TPTE2: variants seen among roughly 807,000 people sequenced by gnomAD.
TPTE2 encodes phosphatidylinositol 3,4,5-trisphosphate 3-phosphatase TPTE2.
TPTE2 carries 53 observed loss-of-function variants against 78.6 expected under a neutral mutation model. The ratio of observed to expected loss-of-function variants is 0.67; its 90% CI spans 0.54 to 0.85. The LOEUF (loss-of-function observed/expected upper bound fraction) is 0.85, where lower values mean the gene tolerates loss of function less well. TPTE2 is among the 40% of genes least tolerant of loss of function. The probability of loss-of-function intolerance (pLI) is 0.00; values close to 1 mark genes in which losing one functional copy is unlikely to be tolerated. For missense variants in TPTE2, 461 were observed against 623.0 expected (o/e 0.74, Z 2.77); for synonymous variants, 175 against 206.2 (o/e 0.85, Z 1.30).
chr13:19,495,641 T>C (rs1342524072), intron 1 of TPTE2, among the ~76,000 whole-genome samples: 1 of 152,204 alleles, frequency 6.6e-6, no homozygotes, highest in Admixed American at 6.5e-5. Context: ...TATGAATGCA[T>C]GTATGTATGT....
chr13:19,451,373 A>C, intron 10 of TPTE2, 148 bp from the exon 14 acceptor site: 2 of 984,810 alleles, frequency 2.0e-6, no homozygotes, highest in Admixed American at 2.6e-5. Flanking sequence ...AGGGTATGCA[A>C]ACTTCAAGTT....
intron 10 of TPTE2, among the ~76,000 whole-genome samples, chr13:19,456,868 A>G (rs1442179625): frequency 6.6e-6 from 1 of 152,322 alleles, no homozygotes; most frequent in South Asian, 2.1e-4. Context: ...TAAGAGAGCC[A>G]AGATAGTTTT....
chr13:19,469,830 C>T (rs745316665), intron 6 of TPTE2, among the ~76,000 whole-genome samples: 38 of 152,072 alleles, frequency 2.5e-4, no homozygotes, highest in Non-Finnish European at 4.1e-4. Flanking sequence ...AAATGGTTCA[C>T]GGTTGACATA....
chr13:19,451,050 C>T (rs1179399827), intron 11 of TPTE2, 115 bp downstream of exon 14: 19 of 1,269,678 alleles, frequency 1.5e-5, no homozygotes, highest in Non-Finnish European at 3.3e-6. Context: ...TAAATTCATT[C>T]CTTGCCACTA....
At chr13:19,478,802 C>T (rs879791292) in intron 4 of TPTE2, among the ~76,000 whole-genome samples, 6 of 152,030 alleles carry the variant, frequency 3.9e-5, no homozygotes, top group Non-Finnish European at 5.9e-5. Context: ...AAATGTGGCA[C>T]ATATACACCA....
rs751376780 is a variant in TPTE2 at position 19,426,478 on chromosome 13, CATTA to C, written c.1338_1341del (p.Ile446MetfsTer12). On this transcript the variant is annotated frameshift_variant, in exon 18 of 20. Transcript: ENST00000400230. LOFTEE classifies it high-confidence loss of function. ...TCATACAGAGGTGGACCGTCATATACATTAATTAATATTTTGTCTGTTTCAATGT... is the reference window on the plus strand; with the variant it reads ...TCATACAGAGGTGGACCGTCATATACATTAATATTTTGTCTGTTTCAATGT... 7 of 1,605,978 alleles carry C rather than the reference CATTA, an allele frequency of 4.4e-6. No individual in the cohort carries two copies. The highest frequency in any genetic ancestry group is 3.3e-5 in the Admixed American group (2 of 59,976).
chr13:19,427,657 G>C (rs1385470809), intron 17 of TPTE2, among the ~76,000 whole-genome samples: 2 of 152,152 alleles, frequency 1.3e-5, no homozygotes, highest in Non-Finnish European at 2.9e-5. Flanking sequence ...TCCCAAGGGA[G>C]GGGGAGAGTG....
intron 1 of TPTE2, among the ~76,000 whole-genome samples, chr13:19,513,846 C>T (rs1201268337): frequency 6.6e-6 from 1 of 152,132 alleles, no homozygotes; most frequent in Non-Finnish European, 1.5e-5. Context: ...TGTAGGCACA[C>T]GTTATTCTTG....
chr13:19,516,122 G>C (rs1302633303), intron 1 of TPTE2, among the ~76,000 whole-genome samples: 1 of 152,192 alleles, frequency 6.6e-6, no homozygotes, highest in African/African-American at 2.4e-5. Context: ...ATTCTTAAAT[G>C]CTTTTTGGTA....
Position 19,527,710 on chromosome 13 carries a change from C to CA in TPTE2, c.-44+8885dup, listed in dbSNP as rs199828243. ...GGCAACATGACAAAACCCATCTCAA[C>CA]AAAAAAAATTAGGCAGGTGTGGTGG... is the stretch of plus-strand genomic sequence containing the variant. On this transcript the variant is annotated intron_variant, in intron 1 of 17. Transcript: ENST00000390680. Among the ~76,000 whole-genome samples the CA allele has an allele frequency of 6.2e-4, 94 of 151,920 alleles. No homozygotes were observed. In the East Asian group the frequency reaches 0.017, roughly 27 times the overall value.
intron 3 of TPTE2, among the ~76,000 whole-genome samples, chr13:19,492,001 C>T (rs1230210085): frequency 6.6e-6 from 1 of 152,154 alleles, no homozygotes; most frequent in East Asian, 1.9e-4. Flanking sequence ...CCTTAATCAG[C>T]CACTGATTAA....
chr13:19,560,110 G>A, the TPTE2 span: 17 of 542,264 alleles, frequency 3.1e-5, no homozygotes, highest in East Asian at 2.7e-4. Flanking sequence ...CACTTTGCCC[G>A]CTGTCTGGTG....
At chr13:19,451,434 A>C (rs977744463) in intron 10 of TPTE2, among the ~76,000 whole-genome samples, 2 of 152,222 alleles carry the variant, frequency 1.3e-5, no homozygotes. Context: ...TTGGCTACTC[A>C]GATGAGTCTC....
intron 1 of TPTE2, among the ~76,000 whole-genome samples, chr13:19,524,854 T>G (rs1566077052): frequency 6.6e-6 from 1 of 152,136 alleles, no homozygotes; most frequent in Non-Finnish European, 1.5e-5. Flanking sequence ...AAGCACTGAA[T>G]AGCAGAGGGA....
At chr13:19,551,511 G>A in the TPTE2 span, among the ~76,000 whole-genome samples, 3 of 151,972 alleles carry the variant, frequency 2.0e-5, no homozygotes, top group African/African-American at 7.2e-5. Flanking sequence ...GCTTGAACCC[G>A]GGAGGCAAAG....
rs1871120193 is a variant in TPTE2, at chr13:19,535,048, AC to A, written c.-44+1547del. Among the ~76,000 whole-genome samples the A allele has an allele frequency of 6.6e-6, 1 of 152,038 alleles. No homozygotes were observed. The highest frequency in any genetic ancestry group is 1.9e-4 in the East Asian group (1 of 5,186). ...GTGAAGCCCCATCTCTACCAAAAAT[AC>A]AGAAATTAGCCAGGCGTGGTGGCGG... On this transcript the variant is annotated intron_variant, in intron 1 of 17. Coordinates refer to the TPTE2 transcript ENST00000390680. This position sits in a 1 kb window ranked among gnomAD's most constrained non-coding sequence, Gnocchi z 5.1.
intron 19 of TPTE2, 90 bp downstream of exon 22, chr13:19,424,857 T>G: frequency 1.2e-6 from 1 of 853,692 alleles, no homozygotes; most frequent in African/African-American, 1.8e-5. Context: ...TAAATTAAGT[T>G]TATGACAACC....
At chr13:19,478,957 A>G (rs979498246) in intron 4 of TPTE2, among the ~76,000 whole-genome samples, 9 of 152,176 alleles carry the variant, frequency 5.9e-5, no homozygotes, top group Non-Finnish European at 1.2e-4. Flanking sequence ...GGAATTGAAC[A>G]ATGAGAACCC....
intron 2 of TPTE2, 48 bp downstream of exon 5, chr13:19,493,400 T>C (rs753805775): frequency 1.9e-6 from 3 of 1,567,304 alleles, no homozygotes; most frequent in African/African-American, 2.7e-5. Context: ...TATAGTTCTA[T>C]GCACACTTAT....
Sources: gnomAD v4.1 joint callset for allele counts (sites outside exome capture counted in the v4.1 genomes callset) on GRCh38, gnomAD v4.1.1 for gene constraint, Gnocchi (gnomAD v3.1) non-coding constraint, MANE v1.5 for transcripts, NCBI Gene and HGNC (gene_info 2026-07-23, HGNC 2026-07-21) for gene names.